The following DSCAM variants were observed in gnomAD, a reference collection of about 807,000 sequenced individuals.
DSCAM encodes cell adhesion molecule DSCAM.
DSCAM carries 47 observed loss-of-function variants against 217.7 expected under a neutral mutation model. The observed-to-expected ratio is 0.22, with a 90% CI of 0.17 to 0.28. The LOEUF is 0.28. DSCAM is among the 10% of genes least tolerant of loss of function. The probability of loss-of-function intolerance (pLI) is 1.00; values close to 1 mark genes in which losing one functional copy is unlikely to be tolerated. For synonymous variants in DSCAM, 1,056 were observed against 1,015.3 expected (o/e 1.04, Z -0.76); for missense variants, 2,080 against 2,618.3 (o/e 0.79, Z 4.49).
At chr21:40,721,718 G>C (rs1425717900) in intron 1 of DSCAM, among the ~76,000 whole-genome samples, 4 of 152,032 alleles carry the variant, frequency 2.6e-5, no homozygotes, top group African/African-American at 7.2e-5. Context: ...CGTATAATTG[G>C]AGTTCTAGGA....
intron 11 of DSCAM, among the ~76,000 whole-genome samples, chr21:40,268,876 C>G (rs2073576602): frequency 6.6e-6 from 1 of 152,138 alleles, no homozygotes. Flanking sequence ...ACCTCCCTCA[C>G]CAGGTACTGA....
intron 10 of DSCAM, among the ~76,000 whole-genome samples, chr21:40,286,484 C>T (rs2073825484): frequency 6.6e-6 from 1 of 152,174 alleles, no homozygotes; most frequent in Admixed American, 6.5e-5. Context: ...CTTGGAGGAC[C>T]TGAAAACTCA....
intron 10 of DSCAM, among the ~76,000 whole-genome samples, chr21:40,285,253 T>C (rs1455702285): frequency 1.3e-5 from 2 of 152,124 alleles, no homozygotes; most frequent in Non-Finnish European, 2.9e-5. Context: ...CCATTCAAGG[T>C]CTCCAGCCAC....
intron 22 of DSCAM, among the ~76,000 whole-genome samples, chr21:40,086,236 A>G (rs2089530461): frequency 6.6e-6 from 1 of 152,260 alleles, no homozygotes; most frequent in African/African-American, 2.4e-5. Context: ...GACATGTGAT[A>G]TCTCAAGAGG....
intron 1 of DSCAM, among the ~76,000 whole-genome samples, chr21:40,741,217 T>C (rs2091120229): frequency 1.3e-5 from 2 of 152,180 alleles, no homozygotes; most frequent in South Asian, 4.1e-4. Flanking sequence ...ATGATTTACT[T>C]CCTTGGTTTT....
Position 40,829,778 on chromosome 21 carries a change from G to T in DSCAM, c.43+16841C>A, listed in dbSNP as rs920231221. 3.3e-5 allele frequency among the ~76,000 whole-genome samples: 5 copies of T among 152,308 alleles called. No homozygotes were observed. In the East Asian group the frequency reaches 7.7e-4, roughly 24 times the overall value. On this transcript the variant is annotated intron_variant, in intron 1 of 32. Coordinates refer to ENST00000400454, the MANE Select transcript of DSCAM (RefSeq NM_001389.5). ...TGACACATGCTGCACGTTGGGAAGTGGGGATGACCAGGTGCTTAGTTGCAT... is the reference window on the plus strand; with the variant it reads ...TGACACATGCTGCACGTTGGGAAGTTGGGATGACCAGGTGCTTAGTTGCAT...
At chr21:40,598,074 A>T (rs1168372101) in intron 3 of DSCAM, among the ~76,000 whole-genome samples, 1 of 152,188 alleles carries the variant, frequency 6.6e-6, no homozygotes, top group Non-Finnish European at 1.5e-5. Context: ...TTACTGCCTC[A>T]CAAATCCCTG....
intron 16 of DSCAM, among the ~76,000 whole-genome samples, chr21:40,146,261 C>T (rs1200611730): frequency 3.0e-4 from 20 of 67,250 alleles, no homozygotes; most frequent in African/African-American, 8.0e-4. Flanking sequence ...GTGGGCTTGA[C>T]GGAGGGGGGG....
At chr21:40,192,513 T>C (rs2090962553) in intron 11 of DSCAM, among the ~76,000 whole-genome samples, 1 of 152,198 alleles carries the variant, frequency 6.6e-6, no homozygotes, top group African/African-American at 2.4e-5. Flanking sequence ...TGATTGTAAG[T>C]TTCCTGAGGC....
chr21:40,722,349 A>G (rs564302502), intron 1 of DSCAM, among the ~76,000 whole-genome samples: 1 of 152,260 alleles, frequency 6.6e-6, no homozygotes, highest in South Asian at 2.1e-4. Flanking sequence ...TTTGTAACAT[A>G]TAGATAAAAT....
At chr21:40,568,045 GTAGATAATCAGTATGT>G (rs1234412762) in intron 3 of DSCAM, among the ~76,000 whole-genome samples, 9 of 152,002 alleles carry the variant, frequency 5.9e-5, no homozygotes, top group Admixed American at 5.2e-4. Context: ...TCTTGATAGT[GTAGATAATCAGTATGT>G]TTTCCTGTCT....
intron 3 of DSCAM, among the ~76,000 whole-genome samples, chr21:40,433,004 T>C (rs1219288971): frequency 6.6e-6 from 1 of 152,162 alleles, no homozygotes; most frequent in African/African-American, 2.4e-5. Flanking sequence ...CTGTTTCAAA[T>C]TATAAGCAAT....
chr21:40,779,646 A>G (rs1169091585), intron 1 of DSCAM, among the ~76,000 whole-genome samples: 1 of 152,238 alleles, frequency 6.6e-6, no homozygotes, highest in Non-Finnish European at 1.5e-5. Context: ...AAAAGTTAAG[A>G]GGAAAATAAA....
At chr21:40,779,386 G>A (rs1439349701) in intron 1 of DSCAM, among the ~76,000 whole-genome samples, 1 of 152,176 alleles carries the variant, frequency 6.6e-6, no homozygotes. Context: ...TCAGACGTCA[G>A]TATTAATTTT....
chr21:40,739,581 C>T (rs1003341692), intron 1 of DSCAM, among the ~76,000 whole-genome samples: 2 of 152,200 alleles, frequency 1.3e-5, no homozygotes, highest in Admixed American at 1.3e-4. Context: ...GCCAGTCAGA[C>T]TGCATTAGAG....
chr21:40,459,808 G>T (rs1372603163), intron 3 of DSCAM, among the ~76,000 whole-genome samples: 1 of 144,952 alleles, frequency 6.9e-6, no homozygotes, highest in Admixed American at 7.0e-5. Flanking sequence ...AAGAAAACCT[G>T]CCCCCCACCC....
At chr21:40,783,585 C>CA (rs2091566620) in intron 1 of DSCAM, among the ~76,000 whole-genome samples, 1 of 152,140 alleles carries the variant, frequency 6.6e-6, no homozygotes, top group Admixed American at 6.5e-5. Context: ...CTGCGGGTGA[C>CA]ACAGGAAAGG....
intron 3 of DSCAM, among the ~76,000 whole-genome samples, chr21:40,662,172 G>A (rs193249864): frequency 2.2e-4 from 33 of 152,190 alleles, no homozygotes; most frequent in African/African-American, 7.5e-4. Context: ...AAAGACAGAA[G>A]CACTAGAATT....
intron 27 of DSCAM, among the ~76,000 whole-genome samples, chr21:40,067,810 C>T (rs917915064): frequency 2.8e-5 from 4 of 141,662 alleles, no homozygotes; most frequent in East Asian, 2.2e-4. Flanking sequence ...TCCTGGTCCA[C>T]GTTTTCTGAT....
Sources: gnomAD v4.1 joint callset for allele counts (sites outside exome capture counted in the v4.1 genomes callset) on GRCh38, gnomAD v4.1.1 for gene constraint, MANE v1.5 for transcripts, NCBI Gene and HGNC (gene_info 2026-07-23, HGNC 2026-07-21) for gene names.